NTM: variants seen among roughly 807,000 people sequenced by gnomAD.
NTM encodes the protein neurotrimin, also known as IgLON family member 2.
NTM carries 13 observed loss-of-function variants against 42.1 expected under a neutral mutation model. That is an observed-to-expected ratio of 0.31 (90% CI 0.20 to 0.49). The LOEUF (loss-of-function observed/expected upper bound fraction) is 0.49. Ranked by LOEUF, NTM falls within the 20% of genes least tolerant of loss-of-function variation. NTM has a pLI of 0.99. For synonymous variants in NTM, 187 were observed against 179.2 expected, an observed-to-expected ratio of 1.04 and a Z score of -0.35; for missense variants, 373 against 452.8, an observed-to-expected ratio of 0.82 and a Z score of 1.60.
At chr11:131,423,622 A>G (rs1373122787) in intron 1 of NTM, among the ~76,000 whole-genome samples, 1 of 152,176 alleles carries the variant, frequency 6.6e-6, no homozygotes, top group Non-Finnish European at 1.5e-5. Context: ...AAGTCGACTA[A>G]AGGGCTTGGT....
intron 1 of NTM, among the ~76,000 whole-genome samples, chr11:131,411,651 C>T (rs1157297211): frequency 1.3e-5 from 2 of 150,728 alleles, no homozygotes; most frequent in Non-Finnish European, 2.9e-5. Flanking sequence ...CTTAGGGGTC[C>T]TGAAATCAGG....
chr11:131,607,537 C>T (rs566772583), intron 1 of NTM, among the ~76,000 whole-genome samples: 1 of 152,234 alleles, frequency 6.6e-6, no homozygotes, highest in South Asian at 2.1e-4. Context: ...TTTCTTTCTT[C>T]CCTCAATGAT....
intron 1 of NTM, among the ~76,000 whole-genome samples, chr11:131,443,752 CTT>C (rs1469088203): frequency 6.6e-6 from 1 of 152,204 alleles, no homozygotes; most frequent in African/African-American, 2.4e-5. Context: ...CTTAAGATGT[CTT>C]TATCTGTCCT....
intron 1 of NTM, among the ~76,000 whole-genome samples, chr11:131,673,387 C>T (rs148069509): frequency 1.3e-5 from 2 of 152,178 alleles, no homozygotes; most frequent in African/African-American, 4.8e-5. Flanking sequence ...TTATGGTGGC[C>T]CCAAAAGGAT....
chr11:132,122,625 T>C (rs2065031806), intron 2 of NTM, among the ~76,000 whole-genome samples: 1 of 152,092 alleles, frequency 6.6e-6, no homozygotes, highest in Non-Finnish European at 1.5e-5. Context: ...TGAGGACAAA[T>C]AAGCAGCAGT....
At chr11:131,851,545 GTGT>G (rs2045556694) in intron 1 of NTM, among the ~76,000 whole-genome samples, 6 of 151,684 alleles carry the variant, frequency 4.0e-5, no homozygotes, top group Admixed American at 2.0e-4. Context: ...GTGTGTGTGT[GTGT>G]GTGTGTGTGT....
intron 1 of NTM, among the ~76,000 whole-genome samples, chr11:131,678,898 C>A (rs1362713624): frequency 6.6e-6 from 1 of 152,232 alleles, no homozygotes; most frequent in Non-Finnish European, 1.5e-5. Context: ...AGGAGCCCCA[C>A]AAGCAGCTAC....
At chr11:131,997,144 G>A (rs2068209503) in intron 2 of NTM, among the ~76,000 whole-genome samples, 1 of 152,146 alleles carries the variant, frequency 6.6e-6, no homozygotes, top group Non-Finnish European at 1.5e-5. Flanking sequence ...ATTCTCTGAG[G>A]TCTAAAGTCA....
intron 1 of NTM, among the ~76,000 whole-genome samples, chr11:131,388,288 A>G (rs968213769): frequency 2.6e-5 from 4 of 152,222 alleles, no homozygotes; most frequent in Non-Finnish European, 4.4e-5. Flanking sequence ...GTAAGTACAT[A>G]TAGATTCCCT....
chr11:131,855,981 G>T (rs896195465), intron 1 of NTM, among the ~76,000 whole-genome samples: 1 of 152,142 alleles, frequency 6.6e-6, no homozygotes, highest in East Asian at 1.9e-4. Flanking sequence ...AGATCCCCAC[G>T]CCTGAAGATG....
chr11:131,902,759 T>C (rs2053350875), intron 1 of NTM, among the ~76,000 whole-genome samples: 1 of 152,204 alleles, frequency 6.6e-6, no homozygotes, highest in Non-Finnish European at 1.5e-5. Context: ...TATTGATTGA[T>C]TTCAGGGATA....
intron 3 of NTM, among the ~76,000 whole-genome samples, chr11:132,204,022 T>C (rs953844780): frequency 3.3e-5 from 5 of 152,220 alleles, no homozygotes; most frequent in African/African-American, 1.2e-4. Flanking sequence ...TGGGAACTAA[T>C]TAGGATGACC....
intron 1 of NTM, among the ~76,000 whole-genome samples, chr11:131,384,906 G>A: frequency 6.6e-6 from 1 of 152,352 alleles, no homozygotes. Flanking sequence ...GGCTAGTGAG[G>A]TGTTCCCCAA....
chr11:132,012,988 G>T (rs1338792153), intron 2 of NTM, among the ~76,000 whole-genome samples: 1 of 152,140 alleles, frequency 6.6e-6, no homozygotes, highest in Non-Finnish European at 1.5e-5. Context: ...GACTTACTGT[G>T]TTTGGGATGC....
intron 2 of NTM, among the ~76,000 whole-genome samples, chr11:132,125,721 G>A (rs1566232051): frequency 2.0e-5 from 3 of 151,992 alleles, no homozygotes; most frequent in Non-Finnish European, 2.9e-5. Context: ...AGTGTGTGGT[G>A]TGTGATGTGT....
Position 132,254,450 on chromosome 11 carries a change from A to G in NTM, c.526+42303A>G, listed in dbSNP as rs148976965. On this transcript the variant is annotated intron_variant, in intron 4 of 8. Coordinates refer to ENST00000683400, the MANE Select transcript of NTM (RefSeq NM_001352005.2). Reference sequence around the variant, plus strand: ...TTTCCCCACGTCTCTGTACACACCCACTGTGAATGCACTTTGTTTTCACCT... The same window carrying G: ...TTTCCCCACGTCTCTGTACACACCCGCTGTGAATGCACTTTGTTTTCACCT... Among the ~76,000 whole-genome samples, 32 of 150,872 alleles carry G rather than the reference A, an allele frequency of 2.1e-4. No homozygotes were observed. In the East Asian group the frequency reaches 4.7e-3, roughly 22 times the overall value.
intron 2 of NTM, among the ~76,000 whole-genome samples, chr11:131,915,039 C>T (rs983822556): frequency 1.1e-4 from 17 of 152,302 alleles, no homozygotes; most frequent in Admixed American, 3.9e-4. Context: ...GTAACAATCA[C>T]GTTAATAAGA....
intron 2 of NTM, among the ~76,000 whole-genome samples, chr11:131,918,273 C>T (rs554363445): frequency 1.3e-5 from 2 of 152,294 alleles, no homozygotes; most frequent in East Asian, 1.9e-4. Flanking sequence ...AGTGCAAAAG[C>T]ATCCTCCTGA....
chr11:131,872,894 C>T (rs1400391466), intron 1 of NTM, among the ~76,000 whole-genome samples: 1 of 152,140 alleles, frequency 6.6e-6, no homozygotes, highest in South Asian at 2.1e-4. Flanking sequence ...GGTATTTCTG[C>T]TTCTAGATCC....
Sources: allele counts gnomAD v4.1 joint callset (sites outside exome capture counted in the v4.1 genomes callset), GRCh38; gene constraint gnomAD v4.1.1; transcripts MANE v1.5; gene names NCBI Gene and HGNC (gene_info 2026-07-23, HGNC 2026-07-21).